Variants in TRPS1 observed in about 807,000 individuals in gnomAD.
TRPS1 encodes the protein transcriptional repressor GATA binding 1.
A neutral mutation model predicts 101.2 loss-of-function variants in TRPS1; 6 were observed. The ratio of observed to expected loss-of-function variants is 0.06; its 90% CI spans 0.03 to 0.12. The LOEUF (loss-of-function observed/expected upper bound fraction) is 0.12. TRPS1 is among the 10% of genes least tolerant of loss of function. TRPS1 has a pLI of 1.00. For synonymous variants in TRPS1, 578 were observed against 589.8 expected (o/e 0.98, Z 0.29); for missense variants, 1,363 against 1,567.0 (o/e 0.87, Z 2.20).
chr8:115,440,621 T>G (rs574092456), intron 5 of TRPS1, among the ~76,000 whole-genome samples: 2 of 152,356 alleles, frequency 1.3e-5, no homozygotes, highest in Admixed American at 1.3e-4. Flanking sequence ...TCCTGGTGTT[T>G]CCTTGCCAAG....
rs984763106 is a variant in TRPS1, at chr8:115,442,778, A to G, written c.2701-24326T>C. ...GGAGTTTGAGACCAGCCTGACCAAC[A>G]TGGTGAAACCCTGTCTCTACTAAAA... On this transcript the variant is annotated intron_variant, in intron 5 of 6. Coordinates refer to ENST00000395715, the MANE Select transcript of TRPS1 (RefSeq NM_014112.5). Among the ~76,000 whole-genome samples, 3 of 151,506 alleles carry G rather than the reference A, an allele frequency of 2.0e-5. No individual in the cohort carries two copies. In the East Asian group the frequency reaches 5.9e-4, roughly 30 times the overall value.
intron 5 of TRPS1, among the ~76,000 whole-genome samples, chr8:115,472,201 C>G (rs1034089784): frequency 3.3e-5 from 5 of 152,232 alleles, no homozygotes; most frequent in Non-Finnish European, 7.3e-5. Context: ...GCCTGAACAT[C>G]CATGCATTTC....
At chr8:115,424,541 A>C (rs2129797900) in intron 5 of TRPS1, among the ~76,000 whole-genome samples, 1 of 152,358 alleles carries the variant, frequency 6.6e-6, no homozygotes, top group Admixed American at 6.5e-5. Context: ...ATGGAGCTAA[A>C]GCAACACAAA....
chr8:115,433,758 T>C (rs1487142059), intron 5 of TRPS1, among the ~76,000 whole-genome samples: 1 of 152,154 alleles, frequency 6.6e-6, no homozygotes, highest in Non-Finnish European at 1.5e-5. Context: ...AATACATTAA[T>C]TATCTGTTTA....
intron 4 of TRPS1, among the ~76,000 whole-genome samples, chr8:115,600,142 G>A (rs533803307): frequency 1.1e-3 from 160 of 152,226 alleles, no homozygotes; most frequent in African/African-American, 3.1e-3. Flanking sequence ...CTTCTTTTGC[G>A]AAGTGCCTGT....
Position 115,619,757 on chromosome 8 carries a change from G to A in TRPS1, c.341C>T (p.Pro114Leu), listed in dbSNP as rs1196741344. Residue 114 changes from proline to leucine, a missense_variant, in exon 3 of 7, where the codon CCG becomes CTG. Around this residue, in one of 5 missense-constraint regions of TRPS1, gnomAD observed 1,020 missense variants for 1,073.0 expected, o/e 0.95. Transcript: ENST00000395715. ...ATTTCTGTCTGTCACCTCATCATGC[G>A]GAAAGGAGGGAAAGTTTCCTCCCTT... ...PSKGGNFPSF[P>L]HDEVTDRNML... is the part of the protein sequence containing the mutation. 7 of 1,614,066 alleles carry A rather than the reference G, an allele frequency of 4.3e-6. No individual in the cohort carries two copies. The East Asian group carries it at 6.7e-5, about 15-fold the overall frequency.
chr8:115,561,235 A>G (rs73703318), intron 5 of TRPS1, among the ~76,000 whole-genome samples: 2,231 of 152,188 alleles, frequency 0.015, 66 homozygotes, highest in African/African-American at 0.051. Context: ...ATCTGTGTGC[A>G]TGGCTTATCT....
At chr8:115,443,156 GC>G (rs1313071934) in intron 5 of TRPS1, among the ~76,000 whole-genome samples, 1 of 151,982 alleles carries the variant, frequency 6.6e-6, no homozygotes, top group Non-Finnish European at 1.5e-5. Context: ...TGTAGTCCCA[GC>G]TACTTGGGAG....
At chr8:115,453,464 C>T (rs537213933) in intron 5 of TRPS1, among the ~76,000 whole-genome samples, 2 of 152,282 alleles carry the variant, frequency 1.3e-5, no homozygotes, top group African/African-American at 2.4e-5. Flanking sequence ...TGCATTTGCA[C>T]GAGTGTGTAC....
intron 5 of TRPS1, among the ~76,000 whole-genome samples, chr8:115,546,351 T>C (rs986759609): frequency 6.6e-6 from 1 of 152,092 alleles, no homozygotes; most frequent in Non-Finnish European, 1.5e-5. Flanking sequence ...ATCGTACTAA[T>C]AGGTGACTTT....
At chr8:115,544,085 AAG>A (rs1243292628) in intron 5 of TRPS1, among the ~76,000 whole-genome samples, 1 of 151,610 alleles carries the variant, frequency 6.6e-6, no homozygotes, top group Admixed American at 6.6e-5. Context: ...TCAGGCTAAA[AAG>A]AGAATAATTT....
At chr8:115,425,805 C>G (rs1255734414) in intron 5 of TRPS1, among the ~76,000 whole-genome samples, 1 of 152,192 alleles carries the variant, frequency 6.6e-6, no homozygotes, top group African/African-American at 2.4e-5. Context: ...CTTTAACTAA[C>G]CCCATATTTG....
intron 5 of TRPS1, among the ~76,000 whole-genome samples, chr8:115,461,697 T>C (rs142387155): frequency 1.1e-4 from 17 of 152,304 alleles, no homozygotes; most frequent in Middle Eastern, 6.8e-3. Flanking sequence ...TGAAACATAT[T>C]ATGAAGTTTT....
chr8:115,574,298 C>T (rs879840343), intron 5 of TRPS1, among the ~76,000 whole-genome samples: 9 of 152,218 alleles, frequency 5.9e-5, no homozygotes, highest in South Asian at 2.1e-4. Flanking sequence ...TTAGTTTGGT[C>T]TAGTGAATAT....
rs573314428 is a variant in TRPS1, at chr8:115,409,186, T to A, written c.*4837A>T. 6.9e-6 allele frequency: 1 copy of A among 144,418 alleles called. No individual in the cohort carries two copies. The highest frequency in any genetic ancestry group is 7.1e-5 in the Admixed American group (1 of 14,088). The allele number at this position is 144,418 out of a possible 1,614,324, so 8.9% of individuals were successfully genotyped here. A position where few individuals can be genotyped will look rare whatever the true frequency, so the allele number is the denominator to read the frequency against. On this transcript the variant is annotated 3_prime_UTR_variant, in exon 7 of 7. Coordinates refer to ENST00000395715, the MANE Select transcript of TRPS1 (RefSeq NM_014112.5). ...TATTATTAATAATATTATTAATACA[T>A]ATATTTTTCAATTTTACAGCTGAGG...
intron 5 of TRPS1, among the ~76,000 whole-genome samples, chr8:115,550,354 C>A (rs1189038212): frequency 6.6e-6 from 1 of 152,168 alleles, no homozygotes; most frequent in Non-Finnish European, 1.5e-5. Context: ...AAGTCAGATA[C>A]TGGTGGACTC....
intron 5 of TRPS1, among the ~76,000 whole-genome samples, chr8:115,453,107 C>T (rs1443870802): frequency 4.0e-5 from 6 of 151,884 alleles, no homozygotes; most frequent in East Asian, 1.9e-4. Flanking sequence ...CTGCAACCTC[C>T]GCCTCCTGGG....
chr8:115,508,726 T>C (rs1815506841), intron 5 of TRPS1, among the ~76,000 whole-genome samples: 1 of 151,992 alleles, frequency 6.6e-6, no homozygotes, highest in South Asian at 2.1e-4. Context: ...AAACAGAAGC[T>C]AGAAAACCTT....
chr8:115,523,104 G>T (rs896666522), intron 5 of TRPS1, among the ~76,000 whole-genome samples: 1 of 151,594 alleles, frequency 6.6e-6, no homozygotes. Context: ...TGAGTTTAGG[G>T]GAGAAAAAAA....
Sources: allele counts gnomAD v4.1 joint callset (sites outside exome capture counted in the v4.1 genomes callset), GRCh38; gene constraint gnomAD v4.1.1; regional missense constraint gnomAD v4.1.1; transcripts MANE v1.5; gene names NCBI Gene and HGNC (gene_info 2026-07-23, HGNC 2026-07-21).